Variants in SATL1 observed in about 807,000 individuals in gnomAD.
The protein encoded by SATL1 is spermidine/spermine N(1)-acetyltransferase-like protein 1.
SATL1 carries 47 observed loss-of-function variants against 51.8 expected under a neutral mutation model. The observed-to-expected ratio is 0.91, with a 90% CI of 0.72 to 1.16. SATL1 has a LOEUF of 1.16. Ranked by LOEUF, SATL1 falls within the 50% of genes most tolerant of loss-of-function variation. The pLI is 0.00. For missense variants in SATL1, 520 were observed against 526.4 expected (o/e 0.99, Z 0.12); for synonymous variants, 176 against 182.4 (o/e 0.97, Z 0.28).
rs187322685 is a variant in SATL1, at chrX:85,161,973, A to G, written c.-312-52693T>C. ...ATCGTACCAACCACTCTCTCAGACC[A>G]CAGTATGATAAAATTAGAAATCGAG... On this transcript the variant is annotated intron_variant, in intron 2 of 7. Transcript: ENST00000644105. Among the ~76,000 whole-genome samples, 17 of 112,230 alleles carry G rather than the reference A, an allele frequency of 1.5e-4. No homozygotes were observed. In the East Asian group the frequency reaches 4.7e-3, roughly 31 times the overall value.
At chrX:85,136,723 G>A (rs1602859358) in intron 2 of SATL1, among the ~76,000 whole-genome samples, 1 of 111,864 alleles carries the variant, frequency 8.9e-6, no homozygotes, top group Non-Finnish European at 1.9e-5. Flanking sequence ...GGAAGCCCAA[G>A]GACATTTTCT....
intron 4 of SATL1, among the ~76,000 whole-genome samples, chrX:85,101,507 T>C (rs929484725): frequency 3.6e-5 from 4 of 112,168 alleles, no homozygotes; most frequent in Non-Finnish European, 7.5e-5. Context: ...CCGACTAGGA[T>C]GGGTATTACA....
chrX:85,092,517 G>C lies in SATL1; in HGVS notation c.1962C>G (p.Val654=). Residue 654 remains valine, a synonymous_variant, in exon 8 of 8, where the codon GTC becomes GTG. Transcript: ENST00000644105. ...AGTTGATAGAAGCCTGGTTCCAAAT[G>C]ACGACAAGAAAGTGCATGCAGTTAC... The part of the protein sequence containing the change: ...TQCNCMHFLV[V]IWNQASINYY... The C allele has an allele frequency of 8.3e-7, 1 of 1,210,528 alleles. No individual in the cohort carries two copies. The highest frequency in any genetic ancestry group is 1.1e-6 in the Non-Finnish European group (1 of 894,654).
chrX:85,123,547 T>A (rs1925552527), intron 2 of SATL1, among the ~76,000 whole-genome samples: 1 of 111,880 alleles, frequency 8.9e-6, no homozygotes, highest in African/African-American at 3.2e-5. Flanking sequence ...TTAAGTTCCT[T>A]ATGGATTCTG....
At chrX:85,211,150 C>CT (rs1424221278) in intron 2 of SATL1, 1 of 111,852 alleles carries the variant, frequency 8.9e-6, no homozygotes, top group Non-Finnish European at 1.9e-5. Flanking sequence ...GGAAAAATAA[C>CT]TGTTATCAAA....
At chrX:85,218,405 G>A (rs1208684776) in intron 2 of SATL1, among the ~76,000 whole-genome samples, 1 of 111,394 alleles carries the variant, frequency 9.0e-6, no homozygotes, top group Non-Finnish European at 1.9e-5. Flanking sequence ...TATGGTCCCT[G>A]GAATAGAAAA....
intron 3 of SATL1, among the ~76,000 whole-genome samples, chrX:85,105,908 A>G (rs182966523): frequency 2.9e-4 from 33 of 111,926 alleles, no homozygotes; most frequent in Admixed American, 1.0e-3. Context: ...ACTCCCAATA[A>G]ACATCTTATG....
chrX:85,230,906 T>C (rs761522193), intron 1 of SATL1, among the ~76,000 whole-genome samples: 3 of 112,099 alleles, frequency 2.7e-5, no homozygotes, highest in South Asian at 3.7e-4. Context: ...ATGGCTATTA[T>C]TAAAAAATAA....
chrX:85,204,470 T>C (rs1413919614), intron 2 of SATL1, among the ~76,000 whole-genome samples: 1 of 112,008 alleles, frequency 8.9e-6, no homozygotes, highest in Admixed American at 9.4e-5. Context: ...GTGAAACTTT[T>C]CTTTTCATTT....
intron 2 of SATL1, among the ~76,000 whole-genome samples, chrX:85,208,238 T>C (rs745801790): frequency 8.9e-6 from 1 of 111,865 alleles, no homozygotes; most frequent in African/African-American, 3.3e-5. Context: ...GAACTCATCC[T>C]TTTTTATGGC....
intron 2 of SATL1, among the ~76,000 whole-genome samples, chrX:85,180,542 C>A (rs1377556430): frequency 8.9e-6 from 1 of 111,743 alleles, no homozygotes; most frequent in East Asian, 2.8e-4. Context: ...TCTTATGGAA[C>A]AAGCATCATA....
intron 2 of SATL1, among the ~76,000 whole-genome samples, chrX:85,134,323 G>A (rs1470764100): frequency 9.0e-6 from 1 of 111,280 alleles, no homozygotes; most frequent in Non-Finnish European, 1.9e-5. Flanking sequence ...ATGAGAAAGG[G>A]AAGGTATGAA....
At chrX:85,219,438 T>C (rs1928125177) in intron 2 of SATL1, 1 of 111,713 alleles carries the variant, frequency 9.0e-6, no homozygotes, top group Non-Finnish European at 1.9e-5. Context: ...ATTAACTAAG[T>C]AGGGATGGCA....
chrX:85,176,129 A>G (rs1302034030), intron 2 of SATL1, among the ~76,000 whole-genome samples: 1 of 112,102 alleles, frequency 8.9e-6, no homozygotes, highest in Non-Finnish European at 1.9e-5. Context: ...ACAGTTACTG[A>G]AAAGGAAACT....
chrX:85,128,571 C>T (rs1925690707), intron 2 of SATL1, among the ~76,000 whole-genome samples: 1 of 112,012 alleles, frequency 8.9e-6, no homozygotes, highest in Admixed American at 9.5e-5. Flanking sequence ...GAGTAGATTG[C>T]AAAAATTTTC....
chrX:85,178,992 T>C (rs192726252), intron 2 of SATL1, among the ~76,000 whole-genome samples: 1 of 112,125 alleles, frequency 8.9e-6, no homozygotes, highest in African/African-American at 3.2e-5. Context: ...TCTTGACCAA[T>C]GATTTCAAAT....
At chrX:85,147,177 C>G (rs5923274) in intron 2 of SATL1, among the ~76,000 whole-genome samples, 1 of 109,033 alleles carries the variant, frequency 9.2e-6, no homozygotes, top group Non-Finnish European at 2.0e-5. Context: ...TATCCCACAC[C>G]TGGCTCAGAG....
Position 85,238,550 on chromosome X carries a change from A to T in SATL1, c.-435+5038T>A, listed in dbSNP as rs145741578. ...GAAAATAGAGACCAGAATGATGGTT[A>T]CTAGAGTCTGGGACAGGTAGTGGGA... On this transcript the variant is annotated intron_variant, in intron 1 of 7. Transcript: ENST00000644105. Among the ~76,000 whole-genome samples the T allele has an allele frequency of 5.1e-3, 572 of 111,593 alleles. 4 individuals are homozygous for T. The highest frequency in any genetic ancestry group is 0.017 in the African/African-American group (537 of 30,747).
chrX:85,204,599 T>G (rs769160275), intron 2 of SATL1, among the ~76,000 whole-genome samples: 2 of 111,962 alleles, frequency 1.8e-5, no homozygotes, highest in Non-Finnish European at 3.8e-5. Context: ...AGGCTATTAT[T>G]TGGAGCAAAG....
Sources: gnomAD v4.1 joint callset for allele counts (sites outside exome capture counted in the v4.1 genomes callset) on GRCh38, gnomAD v4.1.1 for gene constraint, MANE v1.5 for transcripts, NCBI Gene and HGNC (gene_info 2026-07-23, HGNC 2026-07-21) for gene names.